The following RTF2 variants were observed in gnomAD, a reference collection of about 807,000 sequenced individuals.
RTF2 encodes the protein replication termination factor 2, also known as UPF0549 protein C20orf43.
RTF2 carries 18 observed loss-of-function variants against 38.0 expected under a neutral mutation model. The ratio of observed to expected loss-of-function variants is 0.47; its 90% CI spans 0.33 to 0.70. The LOEUF (loss-of-function observed/expected upper bound fraction) is 0.70. Among genes scored for constraint, RTF2 ranks in the 30% least tolerant of loss-of-function variants. The pLI is 0.02. For synonymous variants in RTF2, 126 were observed against 137.1 expected, an observed-to-expected ratio of 0.92 and a Z score of 0.57; for missense variants, 311 against 379.6, an observed-to-expected ratio of 0.82 and a Z score of 1.50.
chr20:56,490,659 A>AC (rs1983065079), intron 5 of RTF2, among the ~76,000 whole-genome samples: 1 of 152,202 alleles, frequency 6.6e-6, no homozygotes, highest in African/African-American at 2.4e-5. Flanking sequence ...TAGTAAAAAT[A>AC]CAAAAAAATT....
chr20:56,509,634 C>T (rs1010525564), intron 5 of RTF2, among the ~76,000 whole-genome samples: 9 of 144,810 alleles, frequency 6.2e-5, no homozygotes, highest in African/African-American at 1.5e-4. Flanking sequence ...AAAAGAAAAA[C>T]GATGACAGGT....
intron 1 of RTF2, among the ~76,000 whole-genome samples, chr20:56,469,284 T>C (rs575125045): frequency 6.6e-6 from 1 of 152,264 alleles, no homozygotes; most frequent in Non-Finnish European, 1.5e-5. Context: ...TCTTCCCCGC[T>C]AGACGGTAAG....
chr20:56,505,915 C>T (rs939649265), intron 5 of RTF2, among the ~76,000 whole-genome samples: 7 of 152,164 alleles, frequency 4.6e-5, no homozygotes, highest in Admixed American at 3.9e-4. Flanking sequence ...AAACAGGTGT[C>T]GTGAATACAG....
chr20:56,508,535 C>T (rs1345225869), intron 5 of RTF2, among the ~76,000 whole-genome samples: 1 of 152,170 alleles, frequency 6.6e-6, no homozygotes, highest in East Asian at 1.9e-4. Context: ...TACTTTTAAA[C>T]ATCTATGACT....
chr20:56,474,651 A>T, intron 2 of RTF2, 27 bp from the exon 3 acceptor site: 1 of 1,452,832 alleles, frequency 6.9e-7, no homozygotes, highest in South Asian at 1.2e-5. Flanking sequence ...GCTTGTTGAC[A>T]TAATATTCTA....
At chr20:56,512,533 T>C (rs1012174328) in intron 5 of RTF2, among the ~76,000 whole-genome samples, 1 of 152,158 alleles carries the variant, frequency 6.6e-6, no homozygotes, top group Non-Finnish European at 1.5e-5. Flanking sequence ...GGCATGCCTT[T>C]GGTGTGTATG....
In RTF2 at chr20:56,516,945, A is replaced by C. The variant is rs1985080984; in HGVS notation, c.602A>C (p.Lys201Thr). The stretch of plus-strand genomic sequence containing the variant: ...TCTATCTTTTTGTAGAAAACAAAGA[A>C]ACCCAAGGCAGCAGAGTCTGTTTCA... ...LRAKLEKKTKKPKAAESVSKP... is the reference protein window; with the variant it reads ...LRAKLEKKTKTPKAAESVSKP... The change falls in exon 7 of 9, where the codon AAA becomes ACA. Residue 201 changes from lysine (K) to threonine (T), a missense_variant. Coordinates refer to ENST00000357348, the MANE Select transcript of RTF2 (RefSeq NM_016407.5). The C allele has an allele frequency of 6.2e-7, 1 of 1,614,032 alleles. No homozygotes were observed. Among genetic ancestry groups the C allele is most frequent in the African/African-American group, 1.3e-5 (1 of 74,934 alleles).
At chr20:56,517,042 C>G (rs1056002658) in intron 7 of RTF2, 53 bp downstream of exon 7, 2 of 1,605,726 alleles carry the variant, frequency 1.2e-6, no homozygotes, top group Admixed American at 1.7e-5. Flanking sequence ...CTAGGGCAGT[C>G]TGCTAATATG....
chr20:56,496,618 A>G (rs1483796196), intron 5 of RTF2: 3 of 1,471,368 alleles, frequency 2.0e-6, no homozygotes, highest in African/African-American at 2.8e-5. Flanking sequence ...ACAGGCATCC[A>G]TATCGGTGGG....
rs535401167 is a variant in RTF2 at position 56,468,883 on chromosome 20, T to C, written c.69+117T>C. On this transcript the variant is annotated intron_variant, in intron 1 of 8. Coordinates refer to ENST00000357348, the MANE Select transcript of RTF2 (RefSeq NM_016407.5). ...GAGTTCCAGACCTGGCTGCGGTCTT[T>C]TATTCCATTCAGAGGACTCAAAATT... is the stretch of plus-strand genomic sequence containing the variant. 2.0e-4 allele frequency: 156 copies of C among 796,332 alleles called. 1 individual carries two copies. Among genetic ancestry groups the C allele is most frequent in the Admixed American group, 6.7e-4 (27 of 40,144 alleles). The allele number at this position is 796,332 out of a possible 1,614,324, so 49.3% of individuals were successfully genotyped here.
At chr20:56,501,869 T>G (rs1359705290) in intron 5 of RTF2, among the ~76,000 whole-genome samples, 1 of 152,066 alleles carries the variant, frequency 6.6e-6, no homozygotes, top group Non-Finnish European at 1.5e-5. Flanking sequence ...TGAGACCCTA[T>G]CTCCAAAATA....
At chr20:56,496,854 A>T in intron 5 of RTF2, 1 of 1,551,300 alleles carries the variant, frequency 6.4e-7, no homozygotes, top group Non-Finnish European at 8.7e-7. Flanking sequence ...TCCTTTAGGA[A>T]CGAATTCGAG....
Position 56,474,037 on chromosome 20 carries a change from A to G in RTF2, c.165-641A>G, listed in dbSNP as rs769181144. 5.2e-4 allele frequency among the ~76,000 whole-genome samples: 79 copies of G among 152,336 alleles called. 1 individual carries two copies. The highest frequency in any genetic ancestry group is 8.3e-4 in the South Asian group (4 of 4,826). On this transcript the variant is annotated intron_variant, in intron 2 of 8. Transcript: ENST00000357348. ...AGTTCCAGCCAGTTTTTACAGCTCA[A>G]TGGTGTTGGCCTAGTGATTCCACAC...
intron 5 of RTF2, among the ~76,000 whole-genome samples, chr20:56,489,226 T>A (rs1982960224): frequency 6.6e-6 from 1 of 150,836 alleles, no homozygotes; most frequent in Non-Finnish European, 1.5e-5. Flanking sequence ...TGGTTATTTT[T>A]TTTTTTTTTT....
intron 5 of RTF2, among the ~76,000 whole-genome samples, chr20:56,485,842 A>G (rs190465994): frequency 3.1e-4 from 47 of 152,316 alleles, no homozygotes; most frequent in African/African-American, 1.1e-3. Context: ...GTCCTGCAGG[A>G]ATCATGTTAT....
chr20:56,516,664 C>A, intron 6 of RTF2: 1 of 505,718 alleles, frequency 2.0e-6, no homozygotes, highest in East Asian at 3.2e-5. Flanking sequence ...TAAATTTTTG[C>A]AAATGTGATT....
rs60767194 is a variant in RTF2 at position 56,505,487 on chromosome 20, CATA to C, written c.478-7800_478-7798del. On this transcript the variant is annotated intron_variant, in intron 5 of 8. Transcript: ENST00000357348. ...TGGGCAACAGAGTGAGATGCCATCT[CATA>C]ATAATAATAATAATAATAATAATAA... is the stretch of plus-strand genomic sequence containing the variant. Among the ~76,000 whole-genome samples, 155 of 139,640 alleles carry C rather than the reference CATA, an allele frequency of 1.1e-3. 2 individuals are homozygous for C. In the East Asian group the frequency reaches 0.015, roughly 13 times the overall value. The allele number at this position is 139,640 out of a possible 152,430, so 91.6% of individuals were successfully genotyped here.
At chr20:56,476,938 G>A (rs1376852922) in intron 3 of RTF2, 47 bp from the exon 4 acceptor site, 1 of 1,595,886 alleles carries the variant, frequency 6.3e-7, no homozygotes, top group South Asian at 1.1e-5. Context: ...GGCAAAGGAT[G>A]ATCTGTTTAT....
rs776074412 is a variant in RTF2 at position 56,517,108 on chromosome 20, G to C, written c.649G>C (p.Ala217Pro). Residue 217 changes from alanine (A) to proline (P), a missense_variant and splice_region_variant, in exon 8 of 9, where the codon GCC becomes CCC. Transcript: ENST00000357348. ...TGCCTACTTTGTTTCTTTTACAGAAGCCCCAGGGCCATCAAAAGTTAAGAC... is the reference window on the plus strand; with the variant it reads ...TGCCTACTTTGTTTCTTTTACAGAACCCCCAGGGCCATCAAAAGTTAAGAC... ...SVSKPDVSEEAPGPSKVKTGK... is the reference protein window; with the variant it reads ...SVSKPDVSEEPPGPSKVKTGK... 6 of 1,614,088 alleles carry C rather than the reference G, an allele frequency of 3.7e-6. No homozygotes were observed. Among genetic ancestry groups the C allele is most frequent in the Non-Finnish European group, 5.1e-6 (6 of 1,179,972 alleles).
Sources: gnomAD v4.1 joint callset for allele counts (sites outside exome capture counted in the v4.1 genomes callset) on GRCh38, gnomAD v4.1.1 for gene constraint, MANE v1.5 for transcripts, NCBI Gene and HGNC (gene_info 2026-07-23, HGNC 2026-07-21) for gene names.